The following TMEM117 variants were observed in gnomAD, a reference collection of about 807,000 sequenced individuals.
TMEM117 encodes the protein transmembrane protein 117.
TMEM117 carries 27 observed loss-of-function variants against 52.4 expected under a neutral mutation model. The ratio of observed to expected loss-of-function variants is 0.51; its 90% CI spans 0.38 to 0.71. The LOEUF is 0.71. TMEM117 is among the 30% of genes least tolerant of loss of function. The probability of loss-of-function intolerance (pLI) is 0.00; values close to 1 mark genes in which losing one functional copy is unlikely to be tolerated. For missense variants in TMEM117, 556 were observed against 630.5 expected, an observed-to-expected ratio of 0.88 and a Z score of 1.26; for synonymous variants, 215 against 206.3, an observed-to-expected ratio of 1.04 and a Z score of -0.36.
chr12:43,960,073 A>G (rs1346258754), intron 3 of TMEM117, among the ~76,000 whole-genome samples: 1 of 152,188 alleles, frequency 6.6e-6, no homozygotes, highest in Admixed American at 6.5e-5. Flanking sequence ...CTGGATGCAA[A>G]TTCTGCTGGA....
intron 2 of TMEM117, among the ~76,000 whole-genome samples, chr12:43,929,112 T>C (rs1020202565): frequency 6.6e-6 from 1 of 151,982 alleles, no homozygotes; most frequent in Non-Finnish European, 1.5e-5. Context: ...ATATACCCAG[T>C]AATGGGATGG....
intron 6 of TMEM117, among the ~76,000 whole-genome samples, chr12:44,314,865 T>C (rs1056884860): frequency 5.3e-5 from 8 of 152,314 alleles, no homozygotes; most frequent in Admixed American, 5.2e-4. Context: ...GTAGTAAAAT[T>C]CAGCTGTGAA....
chr12:43,982,803 T>C (rs1945782167), intron 3 of TMEM117, among the ~76,000 whole-genome samples: 1 of 152,216 alleles, frequency 6.6e-6, no homozygotes, highest in South Asian at 2.1e-4. Flanking sequence ...TCACATATTA[T>C]GTATTTTGTT....
the TMEM117 span, chr12:43,797,152 A>G: frequency 6.6e-7 from 1 of 1,515,506 alleles, no homozygotes; most frequent in Admixed American, 2.1e-5. Context: ...TAAACTTCAT[A>G]AAACTACATA....
intron 2 of TMEM117, among the ~76,000 whole-genome samples, chr12:43,921,673 ATT>A (rs1224876420): frequency 6.6e-6 from 1 of 152,096 alleles, no homozygotes. Flanking sequence ...TGTTAATCAC[ATT>A]TTGTTTTAAT....
At chr12:43,923,438 T>C (rs1001352868) in intron 2 of TMEM117, among the ~76,000 whole-genome samples, 2 of 152,202 alleles carry the variant, frequency 1.3e-5, no homozygotes, top group Non-Finnish European at 2.9e-5. Context: ...AATGTGACAA[T>C]ACTCCTATAA....
intron 4 of TMEM117, among the ~76,000 whole-genome samples, chr12:44,207,139 T>C (rs1177838666): frequency 1.3e-5 from 2 of 152,226 alleles, no homozygotes; most frequent in Non-Finnish European, 1.5e-5. Flanking sequence ...ATATCCTTTA[T>C]GTATATGCTT....
intron 3 of TMEM117, among the ~76,000 whole-genome samples, chr12:44,065,441 G>A (rs1014599424): frequency 6.6e-6 from 1 of 152,046 alleles, no homozygotes; most frequent in Non-Finnish European, 1.5e-5. Context: ...CCCTGAAATG[G>A]AGGCTTTGGT....
At chr12:44,230,540 T>C (rs1273492842) in intron 5 of TMEM117, among the ~76,000 whole-genome samples, 1 of 152,036 alleles carries the variant, frequency 6.6e-6, no homozygotes, top group African/African-American at 2.4e-5. Context: ...CTGAAGAACA[T>C]CAACAGCCAA....
chr12:44,040,336 G>A (rs143624455), intron 3 of TMEM117, among the ~76,000 whole-genome samples: 2,035 of 151,866 alleles, frequency 0.013, 19 homozygotes, highest in Non-Finnish European at 0.021. Context: ...ATTTAACAGC[G>A]ACTTCTTGCG....
At chr12:43,975,641 A>G (rs1328231872) in intron 3 of TMEM117, among the ~76,000 whole-genome samples, 1 of 152,216 alleles carries the variant, frequency 6.6e-6, no homozygotes, top group African/African-American at 2.4e-5. Flanking sequence ...AAATGATAAT[A>G]TCGTATCTAC....
chr12:44,064,817 G>C (rs995818870), intron 3 of TMEM117, among the ~76,000 whole-genome samples: 5 of 152,056 alleles, frequency 3.3e-5, no homozygotes, highest in Middle Eastern at 3.2e-3. Flanking sequence ...TAAGTCTAAA[G>C]CTATGATGTA....
intron 2 of TMEM117, among the ~76,000 whole-genome samples, chr12:43,869,207 T>G (rs1293132028): frequency 6.6e-6 from 1 of 151,700 alleles, no homozygotes; most frequent in Non-Finnish European, 1.5e-5. Context: ...CAAAAACCTC[T>G]TTAGAAAGAG....
intron 2 of TMEM117, among the ~76,000 whole-genome samples, chr12:43,882,830 G>A (rs1242898221): frequency 2.0e-5 from 3 of 152,174 alleles, no homozygotes; most frequent in Admixed American, 1.3e-4. Context: ...TCTGGAATTG[G>A]CAAAAAAATT....
downstream of TMEM117, among the ~76,000 whole-genome samples, chr12:44,391,131 A>G (rs1952159689): frequency 6.6e-6 from 1 of 152,196 alleles, no homozygotes; most frequent in African/African-American, 2.4e-5. Context: ...CTGTTCAGTA[A>G]TTACAGTACT....
intron 2 of TMEM117, among the ~76,000 whole-genome samples, chr12:43,918,696 A>G (rs1417285969): frequency 6.6e-6 from 1 of 152,138 alleles, no homozygotes; most frequent in African/African-American, 2.4e-5. Flanking sequence ...CCTTAGCTCT[A>G]TGCCTGCCTC....
intron 2 of TMEM117, among the ~76,000 whole-genome samples, chr12:43,891,440 T>G (rs1019487532): frequency 7.5e-6 from 1 of 133,916 alleles, no homozygotes; most frequent in African/African-American, 2.7e-5. Flanking sequence ...TGGCGTGATC[T>G]CAGCTCACTG....
intron 4 of TMEM117, among the ~76,000 whole-genome samples, chr12:44,185,156 T>G (rs1238566908): frequency 1.3e-5 from 2 of 152,206 alleles, no homozygotes; most frequent in Non-Finnish European, 2.9e-5. Flanking sequence ...TGTATTCCCC[T>G]TCAGCCTTAA....
At chr12:44,154,188 C>T (rs1263692148) in intron 4 of TMEM117, among the ~76,000 whole-genome samples, 1 of 152,036 alleles carries the variant, frequency 6.6e-6, no homozygotes, top group Non-Finnish European at 1.5e-5. Context: ...AAGCATGCAA[C>T]AGCAATAGAA....
Sources: allele counts gnomAD v4.1 joint callset (sites outside exome capture counted in the v4.1 genomes callset), GRCh38; gene constraint gnomAD v4.1.1; transcripts MANE v1.5; gene names NCBI Gene and HGNC (gene_info 2026-07-23, HGNC 2026-07-21).